Variants in WFS1 observed in about 807,000 individuals in gnomAD.
WFS1 encodes wolframin ER transmembrane glycoprotein.
Under a neutral mutation model 68.5 loss-of-function variants are expected in WFS1, and 90 were observed. That is an observed-to-expected ratio of 1.31 (90% confidence interval 1.11 to 1.56). The LOEUF (loss-of-function observed/expected upper bound fraction) is 1.56. Among genes scored for constraint, WFS1 ranks in the 40% most tolerant of loss-of-function variants. WFS1 has a pLI of 0.00. For missense variants in WFS1, 1,767 were observed against 1,232.6 expected (o/e 1.43, Z -6.49); for synonymous variants, 860 against 540.7 (o/e 1.59, Z -8.19).
rs751950158 is a variant in WFS1 at position 6,292,324 on chromosome 4, C to CG, written c.712+334dup. Among the ~76,000 whole-genome samples the CG allele has an allele frequency of 5.2e-3, 780 of 150,140 alleles. 10 individuals carry two copies. Among genetic ancestry groups the CG allele is most frequent in the Non-Finnish European group, 7.0e-3 (473 of 67,354 alleles). Reference sequence around the variant, plus strand: ...AGGAAATACTGGGGGTGGGGACTGGCGGGGGGGTCCTGAGTGGGGAAGGAT... The same window carrying CG: ...AGGAAATACTGGGGGTGGGGACTGGCGGGGGGGGTCCTGAGTGGGGAAGGAT... On this transcript the variant is annotated intron_variant, in intron 6 of 7. Transcript: ENST00000226760.
chr4:6,295,672 G>C (rs1375313111), intron 7 of WFS1, among the ~76,000 whole-genome samples: 3 of 152,252 alleles, frequency 2.0e-5, no homozygotes, highest in Non-Finnish European at 1.5e-5. Context: ...CAGGGAGCGA[G>C]GCCAGTGTGG....
At chr4:6,279,734 C>T (rs556612773) in intron 2 of WFS1, among the ~76,000 whole-genome samples, 17 of 152,294 alleles carry the variant, frequency 1.1e-4, no homozygotes, top group African/African-American at 3.8e-4. Flanking sequence ...TAGGGGCACC[C>T]CAGGAGGGCC....
At chr4:6,289,221 C>A (rs1431935865) in intron 4 of WFS1, 90 bp downstream of exon 4, 2 of 1,468,632 alleles carry the variant, frequency 1.4e-6, no homozygotes, top group Admixed American at 4.2e-5. Flanking sequence ...TCTTACCAAA[C>A]CTAACGCTGG....
intron 2 of WFS1, among the ~76,000 whole-genome samples, chr4:6,281,398 G>A (rs1730165840): frequency 6.6e-6 from 1 of 152,154 alleles, no homozygotes; most frequent in Non-Finnish European, 1.5e-5. Flanking sequence ...GAGGGTCAGG[G>A]AAAGGAGAGG....
chr4:6,300,043 C>T (rs755427834), intron 7 of WFS1, among the ~76,000 whole-genome samples: 1 of 152,002 alleles, frequency 6.6e-6, no homozygotes, highest in Non-Finnish European at 1.5e-5. Context: ...GAGGGCAGCT[C>T]ACCCGGCAGC....
chr4:6,275,727 G>A (rs895800252), intron 1 of WFS1, among the ~76,000 whole-genome samples: 3 of 152,182 alleles, frequency 2.0e-5, no homozygotes, highest in Non-Finnish European at 2.9e-5. Context: ...ACACCAGTCT[G>A]ATCTTTAGGA....
intron 2 of WFS1, among the ~76,000 whole-genome samples, chr4:6,284,992 A>G (rs1730271510): frequency 6.6e-6 from 1 of 151,598 alleles, no homozygotes; most frequent in Admixed American, 6.6e-5. Flanking sequence ...GACGGCAGCA[A>G]GGAAGGAGAA....
At chr4:6,296,737 T>G (rs1011168010) in intron 7 of WFS1, among the ~76,000 whole-genome samples, 2 of 152,262 alleles carry the variant, frequency 1.3e-5, no homozygotes, top group Non-Finnish European at 2.9e-5. Context: ...ATTATAATAA[T>G]GCCTCCTTGC....
intron 1 of WFS1, 69 bp from the exon 2 acceptor site, chr4:6,277,382 C>G: frequency 1.4e-6 from 2 of 1,447,798 alleles, no homozygotes; most frequent in Non-Finnish European, 1.9e-6. Flanking sequence ...TTTCTGTCTC[C>G]AGCAGACACT....
At chr4:6,279,958 A>G (rs533213365) in intron 2 of WFS1, among the ~76,000 whole-genome samples, 2 of 152,314 alleles carry the variant, frequency 1.3e-5, no homozygotes, top group East Asian at 3.9e-4. Context: ...ACTGGGCTGG[A>G]GCCCCACACT....
rs1356003003 is a variant in WFS1 at position 6,277,558 on chromosome 4, C to G, written c.103C>G (p.Gln35Glu). 2 of 1,590,230 alleles carry G rather than the reference C, an allele frequency of 1.3e-6. No individual in the cohort carries two copies. The highest frequency in any genetic ancestry group is 2.7e-5 in the African/African-American group (2 of 74,702). ...ACTCAATGCCACAGCCTCGTTGGAG[C>G]AGGAGAGGAGCGAAAGGCCCCGAGC... ...SRLNATASLEQERSERPRAPG... is the reference protein window; with the variant it reads ...SRLNATASLEEERSERPRAPG... The change falls in exon 2 of 8, where the codon CAG (glutamine) becomes GAG (glutamate). Residue 35 changes from glutamine to glutamate, a missense_variant. Gln to Glu is a conservative substitution (Grantham distance 29). Coordinates refer to ENST00000226760, the MANE Select transcript of WFS1 (RefSeq NM_006005.3).
At chr4:6,293,810 T>C (rs1443328918) in intron 6 of WFS1, among the ~76,000 whole-genome samples, 3 of 152,170 alleles carry the variant, frequency 2.0e-5, no homozygotes, top group South Asian at 2.1e-4. Flanking sequence ...GTGGGTGGCA[T>C]TGGTGACCAC....
chr4:6,289,294 T>C (rs1578595345), intron 4 of WFS1, among the ~76,000 whole-genome samples, 163 bp downstream of exon 4: 1 of 152,216 alleles, frequency 6.6e-6, no homozygotes, highest in East Asian at 1.9e-4. Context: ...AGACACTGTT[T>C]CTGGACTTAA....
chr4:6,291,019 T>TGGGCGTGGCAG lies in WFS1; in HGVS notation c.461-169_461-168insAGGGGCGTGGC, dbSNP rs200036639. Among the ~76,000 whole-genome samples the TGGGCGTGGCAG allele has an allele frequency of 0.034, 2,278 of 67,604 alleles. 68 individuals carry two copies. The highest frequency in any genetic ancestry group is 0.12 in the African/African-American group (2,108 of 18,104). The allele number at this position is 67,604 out of a possible 152,430, so 44.4% of individuals were successfully genotyped here. A position where few individuals can be genotyped will look rare whatever the true frequency, so the allele number is the denominator to read the frequency against. On this transcript the variant is annotated intron_variant, in intron 4 of 7. Transcript: ENST00000226760. ...CCAGTCTGGCCTCCCAGCTGGAGAG[T>TGGGCGTGGCAG]GGGCGTGGCGCGATGTCCTCTTGAG...
chr4:6,279,677 A>G (rs1221566295), intron 2 of WFS1, among the ~76,000 whole-genome samples: 1 of 152,182 alleles, frequency 6.6e-6, no homozygotes. Flanking sequence ...AAGGAACTAC[A>G]TTCTGGGGCT....
Position 6,300,821 on chromosome 4 carries a change from C to T in WFS1, c.1026C>T (p.Ala342=), listed in dbSNP as rs777072078. 29 of 1,613,940 alleles carry T rather than the reference C, an allele frequency of 1.8e-5. No homozygotes were observed. The Admixed American group carries it at 3.2e-4, about 18-fold the overall frequency. The part of the protein sequence containing the change: ...IVSNLTIDFF[A]FFIPLVIFYL... Reference sequence around the variant, plus strand: ...GCAACCTCACCATCGACTTCTTCGCCTTCTTCATCCCGCTGGTCATCTTCT... The same window carrying T: ...GCAACCTCACCATCGACTTCTTCGCTTTCTTCATCCCGCTGGTCATCTTCT... Residue 342 remains alanine (A), a synonymous_variant, in exon 8 of 8, where the codon GCC becomes GCT. Transcript: ENST00000226760.
At chr4:6,276,579 C>T (rs532177777) in intron 1 of WFS1, among the ~76,000 whole-genome samples, 1 of 152,290 alleles carries the variant, frequency 6.6e-6, no homozygotes, top group South Asian at 2.1e-4. Context: ...GTATGAATCC[C>T]AGCTCCACCC....
chr4:6,298,652 GCACA>G (rs3841972), intron 7 of WFS1, among the ~76,000 whole-genome samples: 1 of 151,716 alleles, frequency 6.6e-6, no homozygotes, highest in Admixed American at 6.5e-5. Context: ...AGACATGCAT[GCACA>G]CACTCATAAC....
At chr4:6,297,244 T>G (rs568474316) in intron 7 of WFS1, among the ~76,000 whole-genome samples, 1 of 152,216 alleles carries the variant, frequency 6.6e-6, no homozygotes, top group Non-Finnish European at 1.5e-5. Context: ...GCAGTTTGTC[T>G]TCTTAGAAGT....
Sources: gnomAD v4.1 joint callset for allele counts (sites outside exome capture counted in the v4.1 genomes callset) on GRCh38, gnomAD v4.1.1 for gene constraint, MANE v1.5 for transcripts, NCBI Gene and HGNC (gene_info 2026-07-23, HGNC 2026-07-21) for gene names.